TMEM237: variants seen among roughly 807,000 people sequenced by gnomAD.
The protein encoded by TMEM237 is amyotrophic lateral sclerosis 2 (juvenile) chromosome region, candidate 4.
In TMEM237, 51 loss-of-function variants were observed where a neutral mutation model predicts 59.1. The ratio of observed to expected loss-of-function variants is 0.86; its 90% confidence interval spans 0.69 to 1.09. TMEM237 has a LOEUF of 1.09. Among genes scored for constraint, TMEM237 ranks in the 50% least tolerant of loss-of-function variants. The pLI is 0.00. For synonymous variants in TMEM237, 140 were observed against 166.1 expected (o/e 0.84, Z 1.21); for missense variants, 475 against 478.3 (o/e 0.99, Z 0.06).
At chr2:201,642,656 G>T (rs1465920452) in intron 1 of TMEM237, 4 of 1,607,842 alleles carry the variant, frequency 2.5e-6, no homozygotes, top group Non-Finnish European at 3.4e-6. Context: ...GGCGGCCGCC[G>T]GCCCCCAAGC....
chr2:201,622,461 T>A lies in TMEM237; in HGVS notation c.*1794A>T, dbSNP rs1957717097. 1 of 152,292 alleles carries A rather than the reference T, an allele frequency of 6.6e-6. No individual in the cohort carries two copies. Among genetic ancestry groups the A allele is most frequent in the African/African-American group, 2.4e-5 (1 of 41,476 alleles). The allele number at this position is 152,292 out of a possible 1,614,324, so 9.4% of individuals were successfully genotyped here. A position where few individuals can be genotyped will look rare whatever the true frequency, so the allele number is the denominator to read the frequency against. ...CATTTGGGATACTCATAGAACTCAG[T>A]TCCTTGTGGTTATGTGACTGAAATC... On this transcript the variant is annotated 3_prime_UTR_variant, in exon 13 of 13. Transcript: ENST00000409883.
chr2:201,641,284 G>A (rs973920901), intron 1 of TMEM237, among the ~76,000 whole-genome samples: 3 of 152,114 alleles, frequency 2.0e-5, no homozygotes, highest in Non-Finnish European at 2.9e-5. Flanking sequence ...GAGCCACTAC[G>A]CCCGGCCAAA....
At position 201,626,042 on chromosome 2, in the gene TMEM237, G is replaced by A; in HGVS notation, c.1143C>T (p.Gly381=). ...LSWLFLSYRP[G]MDLSEELMFS... Reference sequence around the variant, plus strand: ...CTTTAATACCTTCACTAAGATCCATGCCTGGCCTATAAGACAAAAATAGCC... The same window carrying A: ...CTTTAATACCTTCACTAAGATCCATACCTGGCCTATAAGACAAAAATAGCC... Residue 381 remains glycine (G), a synonymous_variant, in exon 12 of 13, where the codon GGC becomes GGT. Coordinates refer to ENST00000409883, the MANE Select transcript of TMEM237 (RefSeq NM_001044385.3). 1 of 1,590,240 alleles carries A rather than the reference G, an allele frequency of 6.3e-7. No homozygotes were observed. The highest frequency in any genetic ancestry group is 2.3e-5 in the East Asian group (1 of 44,186).
At chr2:201,631,946 G>A (rs1957811593) in intron 7 of TMEM237, 105 bp downstream of exon 7, 2 of 1,211,508 alleles carry the variant, frequency 1.7e-6, no homozygotes, top group Non-Finnish European at 2.3e-6. Context: ...ATAAATTGTT[G>A]TACACAGTTT....
intron 6 of TMEM237, among the ~76,000 whole-genome samples, chr2:201,632,482 A>G (rs1328481635): frequency 6.6e-6 from 1 of 152,170 alleles, no homozygotes; most frequent in African/African-American, 2.4e-5. Flanking sequence ...ATAGATACTG[A>G]TAAGGTTTGG....
chr2:201,631,279 G>A (rs1050665872), intron 7 of TMEM237: 8 of 152,186 alleles, frequency 5.3e-5, no homozygotes, highest in African/African-American at 1.9e-4. Flanking sequence ...GCCTTCTCCA[G>A]TAACCTAATC....
chr2:201,629,363 C>T lies in TMEM237; in HGVS notation c.736G>A (p.Val246Met), dbSNP rs886055448. 18 of 1,607,462 alleles carry T rather than the reference C, an allele frequency of 1.1e-5. No individual in the cohort carries two copies. Among genetic ancestry groups the T allele is most frequent in the Non-Finnish European group, 4.2e-6 (5 of 1,177,960 alleles). ...TGATCTCCTGCTAGAACATATATCACAACAATATTCCACACAGCACAGCCA... is the reference window on the plus strand; with the variant it reads ...TGATCTCCTGCTAGAACATATATCATAACAATATTCCACACAGCACAGCCA... ...LAGCAVWNIV[V>M]IYVLAGDQLS... The change falls in exon 9 of 13, where the codon GTG (valine) becomes ATG (methionine). Residue 246 changes from valine to methionine, a missense_variant. Transcript: ENST00000409883.
chr2:201,631,982 C>T, intron 7 of TMEM237, 69 bp downstream of exon 7: 1 of 1,507,810 alleles, frequency 6.6e-7, no homozygotes, highest in Non-Finnish European at 9.0e-7. Flanking sequence ...TTCAGATTTC[C>T]AGAAGTATAA....
intron 6 of TMEM237, among the ~76,000 whole-genome samples, chr2:201,633,063 T>C (rs1362527418): frequency 6.6e-6 from 1 of 152,188 alleles, no homozygotes; most frequent in African/African-American, 2.4e-5. Context: ...TGTGTTCTTC[T>C]TTTTTAGAGA....
chr2:201,633,148 T>C (rs1048237407), intron 6 of TMEM237, among the ~76,000 whole-genome samples, 163 bp downstream of exon 6: 2 of 152,234 alleles, frequency 1.3e-5, no homozygotes, highest in South Asian at 2.1e-4. Context: ...TTCTGAAATT[T>C]ATCATTCGAT....
chr2:201,628,035 C>T lies in TMEM237; in HGVS notation c.943+41G>A, dbSNP rs1453048616. On this transcript the variant is annotated intron_variant, in intron 10 of 12. Transcript: ENST00000409883. The stretch of plus-strand genomic sequence containing the variant: ...ATCCTGGTTCAAAATTATGGTATAA[C>T]TGAAGTATTACACAGTTATCATGTT... 4.9e-6 allele frequency: 7 copies of T among 1,416,400 alleles called. No homozygotes were observed. In the East Asian group the frequency reaches 1.6e-4, roughly 33 times the overall value. The allele number at this position is 1,416,400 out of a possible 1,614,324, so 87.7% of individuals were successfully genotyped here.
chr2:201,624,878 C>T (rs979510883), intron 12 of TMEM237, among the ~76,000 whole-genome samples: 1 of 152,216 alleles, frequency 6.6e-6, no homozygotes, highest in Non-Finnish European at 1.5e-5. Flanking sequence ...AGACTGAATA[C>T]TGCACAATCC....
At chr2:201,629,477 A>G in intron 8 of TMEM237, 56 bp from the exon 9 acceptor site, 15 of 1,435,192 alleles carry the variant, frequency 1.0e-5, no homozygotes, top group Non-Finnish European at 1.4e-5. Flanking sequence ...AAAAGCTAAA[A>G]CATGTTTAAA....
intron 5 of TMEM237, 168 bp downstream of exon 5, chr2:201,636,580 C>A: frequency 1.4e-6 from 1 of 722,950 alleles, no homozygotes; most frequent in Non-Finnish European, 2.2e-6. Flanking sequence ...GTAAAGTATT[C>A]TTGGCTTAAG....
intron 9 of TMEM237, 65 bp from the exon 10 acceptor site, chr2:201,628,214 A>G: frequency 8.4e-7 from 1 of 1,196,688 alleles, no homozygotes; most frequent in Non-Finnish European, 1.2e-6. Flanking sequence ...TACTTTCTTG[A>G]CTATAGTTTT....
intron 5 of TMEM237, chr2:201,634,870 C>A: frequency 2.2e-6 from 1 of 449,956 alleles, no homozygotes. Flanking sequence ...ATAATTCTTC[C>A]ATCCAATCAA....
chr2:201,627,080 G>GAAAAAAAAAAAAA (rs35942565), intron 11 of TMEM237, among the ~76,000 whole-genome samples: 1 of 143,656 alleles, frequency 7.0e-6, no homozygotes, highest in Non-Finnish European at 1.5e-5. Flanking sequence ...ACTCTATCTC[G>GAAAAAAAAAAAAA]AAAAAAAAAA....
Position 201,632,199 on chromosome 2 carries a change from C to T in TMEM237, c.405G>A (p.Gln135=), listed in dbSNP as rs370418884. 5.1e-5 allele frequency: 83 copies of T among 1,613,650 alleles called. No homozygotes were observed. The African/African-American group carries it at 8.4e-4, about 16-fold the overall frequency. Residue 135 remains glutamine, a synonymous_variant, in exon 7 of 13, where the codon CAG becomes CAA. Transcript: ENST00000409883. ...QKPRRKTKKT[Q]PAELQYANEL... is the part of the protein sequence containing the mutation. ...CATTGGCATACTGTAATTCTGCTGG[C>T]TGGGTTTTCCTGTAATAAGGACGTA... is the stretch of plus-strand genomic sequence containing the variant.
At position 201,640,933 on chromosome 2, in the gene TMEM237, GA is replaced by G; in HGVS notation, c.43-10del. On this transcript the variant is annotated splice_polypyrimidine_tract_variant and intron_variant, in intron 1 of 12. Transcript: ENST00000409883. ...AGAGCTCGTGGAGGACGCTGTGGCG[GA>G]AAAAATAAATTTGCTTGTAAGTAAA... is the stretch of plus-strand genomic sequence containing the variant. 8 of 1,600,418 alleles carry G rather than the reference GA, an allele frequency of 5.0e-6. No homozygotes were observed. The highest frequency in any genetic ancestry group is 6.8e-6 in the Non-Finnish European group (8 of 1,170,778).
Sources: allele counts gnomAD v4.1 joint callset (sites outside exome capture counted in the v4.1 genomes callset), GRCh38; gene constraint gnomAD v4.1.1; transcripts MANE v1.5; gene names NCBI Gene and HGNC (gene_info 2026-07-23, HGNC 2026-07-21).